The following KLF12 variants were observed in gnomAD, a reference collection of about 807,000 sequenced individuals.
The protein encoded by KLF12 is Krueppel-like factor 12.
A neutral mutation model predicts 37.8 loss-of-function variants in KLF12; 9 were observed. The ratio of observed to expected loss-of-function variants is 0.24; its 90% confidence interval spans 0.14 to 0.42. The LOEUF (loss-of-function observed/expected upper bound fraction) is 0.42. KLF12 is among the 10% of genes least tolerant of loss of function. KLF12 has a pLI of 1.00. For missense variants in KLF12, 411 were observed against 516.0 expected, an observed-to-expected ratio of 0.80 and a Z score of 1.97; for synonymous variants, 208 against 202.1, an observed-to-expected ratio of 1.03 and a Z score of -0.25.
At chr13:74,007,362 A>AT (rs1892436725) in intron 1 of KLF12, among the ~76,000 whole-genome samples, 2 of 151,228 alleles carry the variant, frequency 1.3e-5, no homozygotes, top group Non-Finnish European at 2.9e-5. Flanking sequence ...TGCAAGCTCC[A>AT]TCCCCCCCGG....
At chr13:74,206,604 G>A in the KLF12 span, among the ~76,000 whole-genome samples, 11 of 152,090 alleles carry the variant, frequency 7.2e-5, no homozygotes, top group Non-Finnish European at 1.6e-4. Context: ...CCAGGGATTT[G>A]CGCTGCATTG....
chr13:73,716,664 C>T (rs1333234227), intron 6 of KLF12, among the ~76,000 whole-genome samples: 1 of 152,088 alleles, frequency 6.6e-6, no homozygotes, highest in Admixed American at 6.5e-5. Flanking sequence ...TCTGCATTTA[C>T]AGACATTCAT....
chr13:74,272,855 G>A, the KLF12 span, among the ~76,000 whole-genome samples: 1 of 152,172 alleles, frequency 6.6e-6, no homozygotes, highest in Non-Finnish European at 1.5e-5. Flanking sequence ...TTGTAGACAG[G>A]AAAGACCTTG....
At chr13:73,912,216 T>C (rs976856031) in intron 3 of KLF12, among the ~76,000 whole-genome samples, 2 of 152,170 alleles carry the variant, frequency 1.3e-5, no homozygotes, top group African/African-American at 4.8e-5. Context: ...CACCACAGTT[T>C]ATCAGCCCAC....
intron 2 of KLF12, among the ~76,000 whole-genome samples, chr13:73,950,927 G>T (rs1890623010): frequency 2.0e-5 from 3 of 152,186 alleles, no homozygotes; most frequent in African/African-American, 7.2e-5. Flanking sequence ...CTAGGAAACA[G>T]GAGTAGAGAG....
intron 7 of KLF12, among the ~76,000 whole-genome samples, chr13:73,707,668 T>C (rs1875053690): frequency 6.6e-6 from 1 of 152,096 alleles, no homozygotes; most frequent in African/African-American, 2.4e-5. Context: ...AGATGTGAAG[T>C]CATGAACAGC....
At chr13:74,205,967 C>A in the KLF12 span, among the ~76,000 whole-genome samples, 1 of 152,086 alleles carries the variant, frequency 6.6e-6, no homozygotes, top group Non-Finnish European at 1.5e-5. Flanking sequence ...TAATGTCTGA[C>A]ACAGAGATGA....
At chr13:74,279,050 G>A in the KLF12 span, among the ~76,000 whole-genome samples, 1 of 152,262 alleles carries the variant, frequency 6.6e-6, no homozygotes, top group African/African-American at 2.4e-5. Flanking sequence ...TAGTGAAACT[G>A]GAGACAGCCC....
At chr13:74,152,885 GATAATA>G in the KLF12 span, among the ~76,000 whole-genome samples, 45,846 of 138,558 alleles carry the variant, frequency 0.33, 7,842 homozygotes, top group African/African-American at 0.39. Flanking sequence ...CCCCATTACA[GATAATA>G]ATAATAATAA....
At chr13:73,870,517 T>A (rs1886410094) in intron 3 of KLF12, among the ~76,000 whole-genome samples, 1 of 152,190 alleles carries the variant, frequency 6.6e-6, no homozygotes, top group Non-Finnish European at 1.5e-5. Flanking sequence ...TAAAAGTACT[T>A]AAAGGTAACT....
At position 73,916,241 on chromosome 13, in the gene KLF12, GCACACGCA is replaced by G. The variant is rs199750292; in HGVS notation, c.123+27732_123+27739del. On this transcript the variant is annotated intron_variant, in intron 3 of 7. Transcript: ENST00000377669. ...CACACACACACACACACACACACAC[GCACACGCA>G]CACACACACACACACACAGCTTTAA... Among the ~76,000 whole-genome samples the G allele has an allele frequency of 5.2e-3, 161 of 30,756 alleles. 1 individual carries two copies. Among genetic ancestry groups the G allele is most frequent in the African/African-American group, 0.014 (152 of 10,496 alleles). The allele number at this position is 30,756 out of a possible 152,430, so 20.2% of individuals were successfully genotyped here. A position where few individuals can be genotyped will look rare whatever the true frequency, so the allele number is the denominator to read the frequency against.
chr13:74,298,426 T>C, the KLF12 span, among the ~76,000 whole-genome samples: 1 of 152,192 alleles, frequency 6.6e-6, no homozygotes, highest in African/African-American at 2.4e-5. Flanking sequence ...ATTAAAAAGT[T>C]GTTCTGCGTT....
At chr13:73,788,540 G>A (rs1455104395) in intron 5 of KLF12, among the ~76,000 whole-genome samples, 5 of 152,160 alleles carry the variant, frequency 3.3e-5, no homozygotes, top group Non-Finnish European at 2.9e-5. Context: ...ACTGCCAAGG[G>A]CTGTTCTGTA....
intron 3 of KLF12, among the ~76,000 whole-genome samples, chr13:73,930,380 T>C (rs964133645): frequency 1.3e-5 from 2 of 152,232 alleles, no homozygotes; most frequent in East Asian, 1.9e-4. Flanking sequence ...TCAAGGATCA[T>C]TTTCTAAGAC....
intron 1 of KLF12, among the ~76,000 whole-genome samples, chr13:74,051,263 A>G (rs1235569775): frequency 6.6e-6 from 1 of 152,074 alleles, no homozygotes; most frequent in East Asian, 1.9e-4. Context: ...AGTAATCACA[A>G]TATTTGTAAC....
chr13:74,059,317 G>A (rs1873438857), intron 1 of KLF12, among the ~76,000 whole-genome samples: 1 of 152,206 alleles, frequency 6.6e-6, no homozygotes, highest in African/African-American at 2.4e-5. Flanking sequence ...GGATTGCTGG[G>A]TTGAATGGCA....
the KLF12 span, among the ~76,000 whole-genome samples, chr13:74,294,443 A>G: frequency 6.6e-6 from 1 of 151,908 alleles, no homozygotes; most frequent in African/African-American, 2.4e-5. Context: ...ATCTCGGCTC[A>G]CTGCAACCTC....
At chr13:73,817,604 T>C (rs1017204988) in intron 4 of KLF12, among the ~76,000 whole-genome samples, 1 of 152,204 alleles carries the variant, frequency 6.6e-6, no homozygotes, top group Non-Finnish European at 1.5e-5. Context: ...CTTCTGTACA[T>C]AGTGAACTGT....
chr13:74,160,501 A>G, the KLF12 span, among the ~76,000 whole-genome samples: 3 of 152,224 alleles, frequency 2.0e-5, no homozygotes, highest in Non-Finnish European at 4.4e-5. Context: ...TCTCAGCCTA[A>G]TACAGATCCA....
Sources: gnomAD v4.1 joint callset for allele counts (sites outside exome capture counted in the v4.1 genomes callset) on GRCh38, gnomAD v4.1.1 for gene constraint, MANE v1.5 for transcripts, NCBI Gene and HGNC (gene_info 2026-07-23, HGNC 2026-07-21) for gene names.